WSCD2: variants seen among roughly 807,000 people sequenced by gnomAD.
WSCD2 encodes the protein WSC domain sialate O sulfotransferase 2.
Under a neutral mutation model 55.7 loss-of-function variants are expected in WSCD2, and 28 were observed. The ratio of observed to expected loss-of-function variants is 0.50; its 90% CI spans 0.37 to 0.69. WSCD2 has a LOEUF of 0.69. Ranked by LOEUF, WSCD2 falls within the 30% of genes least tolerant of loss-of-function variation. The pLI, the probability that WSCD2 is intolerant of heterozygous loss-of-function variation, is 0.00. For synonymous variants in WSCD2, 301 were observed against 301.9 expected, an observed-to-expected ratio of 1.00 and a Z score of 0.03; for missense variants, 616 against 762.1, an observed-to-expected ratio of 0.81 and a Z score of 2.26.
At chr12:108,165,889 C>G (rs1472254358) in intron 1 of WSCD2, among the ~76,000 whole-genome samples, 1 of 152,196 alleles carries the variant, frequency 6.6e-6, no homozygotes, top group Non-Finnish European at 1.5e-5. Flanking sequence ...GCACCATTAC[C>G]TGCCTGGGAT....
At chr12:108,195,130 TTATC>T (rs1024296421) in intron 1 of WSCD2, among the ~76,000 whole-genome samples, 148 bp from the exon 2 acceptor site, 1 of 152,208 alleles carries the variant, frequency 6.6e-6, no homozygotes, top group Non-Finnish European at 1.5e-5. Flanking sequence ...GGGATGCTCT[TTATC>T]TAGCACTGCT....
chr12:108,133,306 A>T (rs1181674781), intron 1 of WSCD2, among the ~76,000 whole-genome samples: 1 of 152,040 alleles, frequency 6.6e-6, no homozygotes, highest in Non-Finnish European at 1.5e-5. Context: ...GTTCCAGTGT[A>T]ACTTTTGTCT....
At chr12:108,159,764 C>T (rs1230282612) in intron 1 of WSCD2, among the ~76,000 whole-genome samples, 1 of 152,216 alleles carries the variant, frequency 6.6e-6, no homozygotes, top group African/African-American at 2.4e-5. Flanking sequence ...CCCCCAGCAG[C>T]CCCTGCAGCA....
In WSCD2 at chr12:108,149,837, C is replaced by T. The variant is rs1592889362; in HGVS notation, c.-552+19911C>T. The T allele has an allele frequency of 2.0e-5, 3 of 152,342 alleles. No homozygotes were observed. In the East Asian group the frequency reaches 5.8e-4, roughly 29 times the overall value. 9.4% of individuals were successfully genotyped at this position (152,342 alleles called of 1,614,324 possible). On this transcript the variant is annotated intron_variant, in intron 1 of 8. Coordinates refer to ENST00000547525, the MANE Select transcript of WSCD2 (RefSeq NM_014653.4). ...TAACAAACCCTTAGGTTCCGCCTCC[C>T]ATGCCCCAGGCACTCTTCTCAGGAC...
At position 108,170,586 on chromosome 12, in the gene WSCD2, T is replaced by C. The variant is rs141829100; in HGVS notation, c.-551-24696T>C. 6.2e-3 allele frequency among the ~76,000 whole-genome samples: 944 copies of C among 152,302 alleles called. 16 individuals are homozygous for C. The highest frequency in any genetic ancestry group is 0.022 in the African/African-American group (899 of 41,566). ...CATTGAATCCACCACCGGCTAGTTG[T>C]ATGCGGCTGGGCAAGTTATTTCACC... On this transcript the variant is annotated intron_variant, in intron 1 of 8. Coordinates refer to ENST00000547525, the MANE Select transcript of WSCD2 (RefSeq NM_014653.4).
rs1875293907 is a variant in WSCD2 at position 108,129,814 on chromosome 12, G to A, written c.-664G>A. ...TTCCTTAAAGCCACTGCAGCAGCTG[G>A]GAAGGCGCCCACAGAGCGGGCGCGC... On this transcript the variant is annotated 5_prime_UTR_variant, in exon 1 of 9. Coordinates refer to ENST00000547525, the MANE Select transcript of WSCD2 (RefSeq NM_014653.4). 1 of 152,234 alleles carries A rather than the reference G, an allele frequency of 6.6e-6. No homozygotes were observed. Among genetic ancestry groups the A allele is most frequent in the South Asian group, 2.1e-4 (1 of 4,834 alleles). The allele number at this position is 152,234 out of a possible 1,614,324, so 9.4% of individuals were successfully genotyped here. A position where few individuals can be genotyped will look rare whatever the true frequency, so the allele number is the denominator to read the frequency against.
At chr12:108,200,422 A>C (rs1884513991) in intron 2 of WSCD2, among the ~76,000 whole-genome samples, 1 of 152,196 alleles carries the variant, frequency 6.6e-6, no homozygotes, top group Non-Finnish European at 1.5e-5. Flanking sequence ...ATTCTTAACC[A>C]CTGGACTTAT....
intron 8 of WSCD2, among the ~76,000 whole-genome samples, chr12:108,246,782 C>T (rs1230300282): frequency 1.3e-5 from 2 of 152,108 alleles, no homozygotes; most frequent in Non-Finnish European, 2.9e-5. Context: ...CCTCAGATAG[C>T]TTACCGTCTG....
intron 1 of WSCD2, among the ~76,000 whole-genome samples, chr12:108,187,327 T>A (rs1300296469): frequency 1.3e-5 from 2 of 152,210 alleles, no homozygotes; most frequent in Non-Finnish European, 2.9e-5. Flanking sequence ...TCATTGAACC[T>A]TTATCTTTTT....
intron 1 of WSCD2, among the ~76,000 whole-genome samples, chr12:108,188,772 T>C (rs1882820175): frequency 6.6e-6 from 1 of 152,142 alleles, no homozygotes; most frequent in Non-Finnish European, 1.5e-5. Flanking sequence ...TGGATTCAAC[T>C]GAGGGATTAG....
chr12:108,156,890 G>A (rs966441746), intron 1 of WSCD2, among the ~76,000 whole-genome samples: 2 of 152,154 alleles, frequency 1.3e-5, no homozygotes, highest in African/African-American at 4.8e-5. Flanking sequence ...AGCAACAGGC[G>A]AACCTCTGCC....
chr12:108,141,276 A>G (rs1456066058), intron 1 of WSCD2, among the ~76,000 whole-genome samples: 3 of 152,102 alleles, frequency 2.0e-5, no homozygotes, highest in Non-Finnish European at 4.4e-5. Flanking sequence ...TTTTTAAAAA[A>G]TTTTTGAAGA....
intron 5 of WSCD2, among the ~76,000 whole-genome samples, chr12:108,225,892 T>C (rs1310149134): frequency 1.3e-5 from 2 of 152,184 alleles, no homozygotes; most frequent in East Asian, 1.9e-4. Context: ...AAAAAGATGG[T>C]TGGGCATTTC....
intron 1 of WSCD2, among the ~76,000 whole-genome samples, chr12:108,191,961 C>T (rs570646430): frequency 1.3e-5 from 2 of 152,296 alleles, no homozygotes; most frequent in Admixed American, 6.5e-5. Context: ...TCATTATCCT[C>T]TTAAAGCCCC....
rs1890335419 is a variant in WSCD2 at position 108,249,889 on chromosome 12, T to C, written c.*1546T>C. The C allele has an allele frequency of 6.5e-6, 1 of 152,676 alleles. No homozygotes were observed. The highest frequency in any genetic ancestry group is 6.5e-5 in the Admixed American group (1 of 15,284). The allele number at this position is 152,676 out of a possible 1,614,324, so 9.5% of individuals were successfully genotyped here. A position where few individuals can be genotyped will look rare whatever the true frequency, so the allele number is the denominator to read the frequency against. ...TGCCCCAGGCCCACCCAGGGGGCTC[T>C]GAATGTATTTTGTACCGTGTTTCTT... On this transcript the variant is annotated 3_prime_UTR_variant, in exon 9 of 9. Transcript: ENST00000547525.
intron 1 of WSCD2, among the ~76,000 whole-genome samples, chr12:108,150,262 C>G (rs1000272642): frequency 1.3e-5 from 2 of 152,150 alleles, no homozygotes; most frequent in African/African-American, 2.4e-5. Context: ...GTGCTCTTAA[C>G]CATTCTTCTA....
intron 4 of WSCD2, among the ~76,000 whole-genome samples, chr12:108,213,880 G>A (rs1441445433): frequency 1.3e-5 from 2 of 152,144 alleles, no homozygotes; most frequent in African/African-American, 2.4e-5. Context: ...TTTTAGGGGA[G>A]CTCCTTGGCT....
At chr12:108,214,847 C>G (rs1180730317) in intron 4 of WSCD2, among the ~76,000 whole-genome samples, 1 of 152,206 alleles carries the variant, frequency 6.6e-6, no homozygotes, top group Non-Finnish European at 1.5e-5. Context: ...TTATGGTTCA[C>G]AATTTTTTAC....
chr12:108,178,555 C>T (rs761795077), intron 1 of WSCD2, among the ~76,000 whole-genome samples: 3 of 152,168 alleles, frequency 2.0e-5, no homozygotes, highest in African/African-American at 4.8e-5. Flanking sequence ...CTGAATCATT[C>T]GACATCTACA....
Sources: gnomAD v4.1 joint callset for allele counts (sites outside exome capture counted in the v4.1 genomes callset) on GRCh38, gnomAD v4.1.1 for gene constraint, MANE v1.5 for transcripts, NCBI Gene and HGNC (gene_info 2026-07-23, HGNC 2026-07-21) for gene names.